The following N4BP2 variants were observed in gnomAD, a reference collection of about 807,000 sequenced individuals.
N4BP2 encodes the protein NEDD4 binding protein 2, also known as NEDD4-binding protein 2.
In N4BP2, 91 loss-of-function variants were observed where a neutral mutation model predicts 152.8. The observed-to-expected ratio is 0.60, with a 90% CI of 0.50 to 0.71. The LOEUF (loss-of-function observed/expected upper bound fraction) is 0.71, where lower values mean the gene tolerates loss of function less well. Among genes scored for constraint, N4BP2 ranks in the 30% least tolerant of loss-of-function variants. The pLI, the probability that N4BP2 is intolerant of heterozygous loss-of-function variation, is 0.00. For missense variants in N4BP2, 1,923 were observed against 2,059.1 expected, an observed-to-expected ratio of 0.93 and a Z score of 1.28; for synonymous variants, 646 against 705.3, an observed-to-expected ratio of 0.92 and a Z score of 1.33.
At chr4:40,123,280 T>C in intron 10 of N4BP2, 68 bp downstream of exon 10, 1 of 1,063,890 alleles carries the variant, frequency 9.4e-7, no homozygotes. Context: ...TTCAGTGAAA[T>C]CTACCACATA....
intron 14 of N4BP2, among the ~76,000 whole-genome samples, chr4:40,140,901 TG>T (rs1719864865): frequency 6.7e-6 from 1 of 148,768 alleles, no homozygotes; most frequent in Admixed American, 6.7e-5. Flanking sequence ...AGCACAGGGT[TG>T]GGGGTAAGGT....
chr4:40,124,218 T>C lies in N4BP2; in HGVS notation c.4330+13T>C, dbSNP rs767816124. On this transcript the variant is annotated intron_variant, in intron 11 of 17. Transcript: ENST00000261435. ...AAGTTTATGCAAGGTAAAGCACATG[T>C]TTTTATTTCTAATGTCTTAATGTTG... The C allele has an allele frequency of 3.8e-6, 6 of 1,590,362 alleles. No individual in the cohort carries two copies. The highest frequency in any genetic ancestry group is 5.2e-6 in the Non-Finnish European group (6 of 1,162,656).
At chr4:40,104,984 A>G (rs1370953563) in intron 4 of N4BP2, among the ~76,000 whole-genome samples, 1 of 151,814 alleles carries the variant, frequency 6.6e-6, no homozygotes, top group Non-Finnish European at 1.5e-5. Context: ...TTGTATTTTT[A>G]GTAGAGATGG....
chr4:40,078,667 A>T (rs1713034235), intron 2 of N4BP2, among the ~76,000 whole-genome samples: 1 of 151,948 alleles, frequency 6.6e-6, no homozygotes, highest in Non-Finnish European at 1.5e-5. Context: ...CTGGGACTAC[A>T]GGTGTGCACC....
intron 3 of N4BP2, among the ~76,000 whole-genome samples, chr4:40,099,264 C>T (rs149702907): frequency 2.4e-4 from 37 of 152,200 alleles, no homozygotes; most frequent in East Asian, 7.7e-4. Flanking sequence ...TTTTTTGAGA[C>T]GGAGTTTCGC....
rs534205164 is a variant in N4BP2 at position 40,153,303 on chromosome 4, CTAT to C, written c.5267+405_5267+407del. ...AATATGTATCATACTTTAAGATTTG[CTAT>C]TATTCTTTTGAAAGGAAATCAGTAT... On this transcript the variant is annotated intron_variant, in intron 17 of 17. Transcript: ENST00000261435. Among the ~76,000 whole-genome samples, 241 of 152,134 alleles carry C rather than the reference CTAT, an allele frequency of 1.6e-3. 1 individual carries two copies. The highest frequency in any genetic ancestry group is 6.8e-3 in the Middle Eastern group (2 of 292).
chr4:40,150,709 A>G (rs1721077064), intron 16 of N4BP2, among the ~76,000 whole-genome samples: 1 of 152,000 alleles, frequency 6.6e-6, no homozygotes, highest in South Asian at 2.1e-4. Flanking sequence ...AGGATAAATG[A>G]TCCAATTTTT....
chr4:40,142,632 TAA>T (rs1579131208), intron 14 of N4BP2, 39 bp from the exon 15 acceptor site: 1 of 1,456,886 alleles, frequency 6.9e-7, no homozygotes, highest in Non-Finnish European at 9.4e-7. Context: ...GTTTTTTTTT[TAA>T]CTTTCTGTGT....
intron 6 of N4BP2, among the ~76,000 whole-genome samples, 180 bp from the exon 7 acceptor site, chr4:40,113,252 A>G (rs1269748349): frequency 6.6e-6 from 1 of 152,188 alleles, no homozygotes; most frequent in African/African-American, 2.4e-5. Flanking sequence ...ATAAGTATTT[A>G]TCAGTAGCTA....
intron 14 of N4BP2, among the ~76,000 whole-genome samples, chr4:40,141,662 G>T (rs888007418): frequency 6.6e-6 from 1 of 152,080 alleles, no homozygotes; most frequent in Non-Finnish European, 1.5e-5. Flanking sequence ...AGGCAGAGAC[G>T]CTCCTCACTT....
intron 5 of N4BP2, among the ~76,000 whole-genome samples, chr4:40,111,686 G>A (rs955509601): frequency 4.6e-5 from 7 of 152,022 alleles, no homozygotes; most frequent in African/African-American, 1.7e-4. Context: ...CCTGATCTTG[G>A]CTCACTGCAA....
At chr4:40,151,078 CAT>C (rs1232960418) in intron 16 of N4BP2, among the ~76,000 whole-genome samples, 6 of 152,160 alleles carry the variant, frequency 3.9e-5, no homozygotes, top group Non-Finnish European at 7.3e-5. Flanking sequence ...GGAAACGAAA[CAT>C]ATACATTACT....
rs987080312 is a variant in N4BP2, at chr4:40,156,078, C to T, written c.*1841C>T. Reference sequence around the variant, plus strand: ...TAAAGCAGTTCCTTTAAACAACTTACTATGAAACTATAATTGTTAATGAAA... The same window carrying T: ...TAAAGCAGTTCCTTTAAACAACTTATTATGAAACTATAATTGTTAATGAAA... On this transcript the variant is annotated 3_prime_UTR_variant, in exon 18 of 18. Coordinates refer to ENST00000261435, the MANE Select transcript of N4BP2 (RefSeq NM_018177.6). The T allele has an allele frequency of 5.9e-5, 9 of 152,050 alleles. No individual in the cohort carries two copies. The highest frequency in any genetic ancestry group is 2.0e-4 in the Admixed American group (3 of 15,270). 9.4% of individuals were successfully genotyped at this position (152,050 alleles called of 1,614,324 possible). A position where few individuals can be genotyped will look rare whatever the true frequency, so the allele number is the denominator to read the frequency against.
intron 13 of N4BP2, among the ~76,000 whole-genome samples, chr4:40,132,217 AAT>A (rs1470195023): frequency 6.6e-5 from 10 of 152,316 alleles, no homozygotes; most frequent in Admixed American, 1.3e-4. Context: ...AATATATTGT[AAT>A]ATAAGTTATG....
chr4:40,066,368 A>T (rs1431046386), intron 1 of N4BP2, among the ~76,000 whole-genome samples: 1 of 133,694 alleles, frequency 7.5e-6, no homozygotes, highest in Non-Finnish European at 1.6e-5. Context: ...GCTCAGGCTG[A>T]AGTGCAGTGG....
intron 2 of N4BP2, among the ~76,000 whole-genome samples, chr4:40,078,775 A>G (rs1272992793): frequency 6.6e-6 from 1 of 150,954 alleles, no homozygotes; most frequent in Non-Finnish European, 1.5e-5. Flanking sequence ...CAGTTCGCCC[A>G]CTGTGGCCTC....
the N4BP2 span, among the ~76,000 whole-genome samples, chr4:40,172,970 TGTAA>T: frequency 1.3e-5 from 2 of 152,178 alleles, no homozygotes; most frequent in Non-Finnish European, 2.9e-5. Flanking sequence ...CAGTATTCCC[TGTAA>T]GTATCTTTGA....
chr4:40,146,839 T>TA (rs572851244), intron 16 of N4BP2, among the ~76,000 whole-genome samples: 252 of 148,302 alleles, frequency 1.7e-3, no homozygotes, highest in Non-Finnish European at 3.0e-3. Context: ...CCCTGGCAAC[T>TA]ACCATTCTAT....
chr4:40,057,681 C>A (rs1457220233), intron 1 of N4BP2, among the ~76,000 whole-genome samples: 2 of 152,154 alleles, frequency 1.3e-5, no homozygotes, highest in Admixed American at 6.6e-5. Context: ...TCGGGACTCT[C>A]TCTAAGCCGT....
Sources: gnomAD v4.1 joint callset for allele counts (sites outside exome capture counted in the v4.1 genomes callset) on GRCh38, gnomAD v4.1.1 for gene constraint, MANE v1.5 for transcripts, NCBI Gene and HGNC (gene_info 2026-07-23, HGNC 2026-07-21) for gene names.